The following MARCHF8 variants were observed in gnomAD, a reference collection of about 807,000 sequenced individuals.
The protein encoded by MARCHF8 is E3 ubiquitin-protein ligase MARCHF8.
In MARCHF8, 40 loss-of-function variants were observed where a neutral mutation model predicts 51.6. The observed-to-expected ratio is 0.77, with a 90% confidence interval of 0.60 to 1.01. MARCHF8 has a LOEUF of 1.01. Ranked by LOEUF, MARCHF8 falls within the 50% of genes least tolerant of loss-of-function variation. The probability of loss-of-function intolerance (pLI) is 0.00; values close to 1 mark genes in which losing one functional copy is unlikely to be tolerated. For synonymous variants in MARCHF8, 263 were observed against 280.3 expected (o/e 0.94, Z 0.62); for missense variants, 685 against 708.6 (o/e 0.97, Z 0.38).
chr10:45,479,488 C>T (rs985796602), intron 3 of MARCHF8, among the ~76,000 whole-genome samples: 20 of 152,186 alleles, frequency 1.3e-4, no homozygotes, highest in African/African-American at 4.8e-4. Flanking sequence ...ACCCAAATCT[C>T]ATCTTCAATT....
Position 45,473,743 on chromosome 10 carries a change from A to G in MARCHF8, c.154-9416T>C, listed in dbSNP as rs1391169259. Among the ~76,000 whole-genome samples, 3 of 152,292 alleles carry G rather than the reference A, an allele frequency of 2.0e-5. No homozygotes were observed. The East Asian group carries it at 5.8e-4, about 29-fold the overall frequency. On this transcript the variant is annotated intron_variant, in intron 3 of 7. Coordinates refer to ENST00000453424, the MANE Select transcript of MARCHF8 (RefSeq NM_001282866.2). ...ATCAGCCTCTATAGGATTTTAGGCC[A>G]AAGTACTCACATGAACAGCCACAGT...
At chr10:45,569,999 A>C (rs971555002) in intron 1 of MARCHF8, among the ~76,000 whole-genome samples, 2 of 152,200 alleles carry the variant, frequency 1.3e-5, no homozygotes, top group South Asian at 4.1e-4. Flanking sequence ...CACAACTGAC[A>C]CAAGATAAAA....
chr10:45,478,162 A>C (rs2042820537), intron 3 of MARCHF8, among the ~76,000 whole-genome samples: 2 of 152,230 alleles, frequency 1.3e-5, no homozygotes, highest in South Asian at 4.1e-4. Context: ...TTAGGACACA[A>C]AACAAGTCTC....
At chr10:45,471,070 A>G (rs2042680416) in intron 3 of MARCHF8, among the ~76,000 whole-genome samples, 1 of 152,264 alleles carries the variant, frequency 6.6e-6, no homozygotes, top group Non-Finnish European at 1.5e-5. Flanking sequence ...AAAACTGACC[A>G]TTAAAAAAGT....
Position 45,463,189 on chromosome 10 carries a change from G to A in MARCHF8, c.1050C>T (p.Pro350=), listed in dbSNP as rs1407542580. ...DCPSPFSEKL[P]PISPVSTSGD... ...CTGACGTGGACACGGGAGATATGGG[G>A]GGTAATTTTTCAGAGAAGGGAGAAG... The change falls in exon 5 of 8, where the codon CCC becomes CCT. Residue 350 remains proline, a synonymous_variant. Coordinates refer to ENST00000453424, the MANE Select transcript of MARCHF8 (RefSeq NM_001282866.2). 3 of 1,550,458 alleles carry A rather than the reference G, an allele frequency of 1.9e-6. No individual in the cohort carries two copies. In the African/African-American group the frequency reaches 4.1e-5, roughly 21 times the overall value.
At chr10:45,484,796 G>A (rs1241746200) in intron 3 of MARCHF8, among the ~76,000 whole-genome samples, 1 of 152,088 alleles carries the variant, frequency 6.6e-6, no homozygotes, top group Non-Finnish European at 1.5e-5. Context: ...ATAGGAATTT[G>A]GCTTGTTTGA....
intron 2 of MARCHF8, among the ~76,000 whole-genome samples, chr10:45,515,558 T>C (rs2043604183): frequency 6.6e-6 from 1 of 152,242 alleles, no homozygotes; most frequent in Non-Finnish European, 1.5e-5. Flanking sequence ...CTAGTTCCTA[T>C]TATACTATTC....
chr10:45,533,016 A>G (rs2043912501), intron 2 of MARCHF8, 94 bp downstream of exon 2: 1 of 923,858 alleles, frequency 1.1e-6, no homozygotes. Flanking sequence ...TTATCAGAGA[A>G]AACCTGACCT....
intron 6 of MARCHF8, 87 bp from the exon 7 acceptor site, chr10:45,459,354 T>C (rs1366228373): frequency 1.4e-6 from 2 of 1,411,144 alleles, no homozygotes; most frequent in South Asian, 1.3e-5. Flanking sequence ...TAAGATTGGC[T>C]TTCCACCCCA....
At chr10:45,593,432 C>G (rs968185549) in intron 1 of MARCHF8, 1 of 152,184 alleles carries the variant, frequency 6.6e-6, no homozygotes, top group Non-Finnish European at 1.5e-5. Context: ...CTCTCAAAAT[C>G]CAAAATTCTC....
chr10:45,459,821 A>G (rs538259614), intron 6 of MARCHF8: 1 of 985,462 alleles, frequency 1.0e-6, no homozygotes, highest in South Asian at 4.7e-5. Flanking sequence ...TGCTAGTCCC[A>G]TCTCCTCTAG....
intron 1 of MARCHF8, among the ~76,000 whole-genome samples, chr10:45,559,010 T>G (rs1254205278): frequency 1.3e-5 from 2 of 152,186 alleles, no homozygotes; most frequent in Non-Finnish European, 2.9e-5. Flanking sequence ...AATACATCTT[T>G]AAAGAAAGAA....
At chr10:45,588,508 G>C (rs71499567) in intron 1 of MARCHF8, among the ~76,000 whole-genome samples, 9,402 of 152,188 alleles carry the variant, frequency 0.062, 333 homozygotes, top group Non-Finnish European at 0.067. Flanking sequence ...GTTATGTACT[G>C]CTATATTGTC....
intron 3 of MARCHF8, among the ~76,000 whole-genome samples, chr10:45,484,310 T>G (rs965907360): frequency 6.6e-6 from 1 of 152,204 alleles, no homozygotes; most frequent in Non-Finnish European, 1.5e-5. Context: ...GGGTGAGGAC[T>G]GAGTGTGGAT....
chr10:45,533,686 C>T (rs1589157163), intron 1 of MARCHF8, among the ~76,000 whole-genome samples: 1 of 152,252 alleles, frequency 6.6e-6, no homozygotes, highest in East Asian at 1.9e-4. Flanking sequence ...TGTGAGTCCA[C>T]ATAATGGTGA....
At chr10:45,532,375 C>T (rs1441544290) in intron 2 of MARCHF8, among the ~76,000 whole-genome samples, 1 of 152,274 alleles carries the variant, frequency 6.6e-6, no homozygotes, top group African/African-American at 2.4e-5. Context: ...TCCCCATGTA[C>T]ACACTATTAT....
At chr10:45,551,941 C>CA (rs2044200365) in intron 1 of MARCHF8, among the ~76,000 whole-genome samples, 1 of 151,922 alleles carries the variant, frequency 6.6e-6, no homozygotes, top group African/African-American at 2.4e-5. Context: ...TTAGATCATT[C>CA]CTTGCAGGGT....
At chr10:45,527,043 GA>G (rs1420809453) in intron 2 of MARCHF8, among the ~76,000 whole-genome samples, 1 of 152,122 alleles carries the variant, frequency 6.6e-6, no homozygotes, top group Admixed American at 6.5e-5. Context: ...ATGAAATTAA[GA>G]TGGAAGTTTA....
intron 1 of MARCHF8, among the ~76,000 whole-genome samples, chr10:45,578,198 T>C (rs1425682618): frequency 6.6e-6 from 1 of 152,098 alleles, no homozygotes; most frequent in Non-Finnish European, 1.5e-5. Context: ...TCCTCACTAA[T>C]AGTAACAATA....
Sources: allele counts gnomAD v4.1 joint callset (sites outside exome capture counted in the v4.1 genomes callset), GRCh38; gene constraint gnomAD v4.1.1; transcripts MANE v1.5; gene names NCBI Gene and HGNC (gene_info 2026-07-23, HGNC 2026-07-21).